The following RNPS1 variants were observed in gnomAD, a reference collection of about 807,000 sequenced individuals.
RNPS1 encodes RNA-binding protein with serine-rich domain 1.
For missense variants in RNPS1, 300 were observed against 427.6 expected (o/e 0.70, Z 2.63); for synonymous variants, 147 against 150.0 (o/e 0.98, Z 0.15).
At chr16:2,259,459 T>C (rs995658120) in intron 6 of RNPS1, among the ~76,000 whole-genome samples, 1 of 152,248 alleles carries the variant, frequency 6.6e-6, no homozygotes. Context: ...AAACAATTGT[T>C]GTCTTGTTTT....
At chr16:2,254,894 A>G (rs1051177668) in intron 7 of RNPS1, among the ~76,000 whole-genome samples, 1 of 150,554 alleles carries the variant, frequency 6.6e-6, no homozygotes, top group African/African-American at 2.5e-5. Flanking sequence ...GGCACCCACC[A>G]CCACGCCCGG....
rs2141581709 is a variant in RNPS1 at position 2,264,074 on chromosome 16, G to A, written c.227+102C>T. 2.2e-6 allele frequency: 3 copies of A among 1,370,748 alleles called. No individual in the cohort carries two copies. In the East Asian group the frequency reaches 6.9e-5, roughly 31 times the overall value. 84.9% of individuals were successfully genotyped at this position (1,370,748 alleles called of 1,614,324 possible). A position where few individuals can be genotyped will look rare whatever the true frequency, so the allele number is the denominator to read the frequency against. On this transcript the variant is annotated intron_variant, in intron 3 of 7. Coordinates refer to ENST00000320225, the MANE Select transcript of RNPS1 (RefSeq NM_080594.4). The stretch of plus-strand genomic sequence containing the variant: ...GGGTCTCTACTAACAATCAGAGGAT[G>A]TGTTTTCTTTGTAAATAATCAAGAA...
intron 6 of RNPS1, among the ~76,000 whole-genome samples, chr16:2,258,974 T>G (rs1166867377): frequency 2.6e-5 from 4 of 151,612 alleles, no homozygotes; most frequent in African/African-American, 4.9e-5. Flanking sequence ...AATACAAAAA[T>G]TAGCTGGATA....
chr16:2,264,804 A>G (rs983972610), intron 1 of RNPS1, 44 bp from the exon 2 acceptor site: 13 of 1,427,904 alleles, frequency 9.1e-6, no homozygotes, highest in Non-Finnish European at 1.2e-5. Context: ...CGAATTGGCA[A>G]GGCAACAAGT....
At chr16:2,264,409 G>A in intron 2 of RNPS1, 78 bp from the exon 3 acceptor site, 2 of 1,598,262 alleles carry the variant, frequency 1.3e-6, no homozygotes. Context: ...CGGGGGATCA[G>A]CATCAGCAGG....
At position 2,253,299 on chromosome 16, in the gene RNPS1, A is replaced by AT. The variant is rs1457908801; in HGVS notation, c.*664dup. 2 of 152,814 alleles carry AT rather than the reference A, an allele frequency of 1.3e-5. No homozygotes were observed. Among genetic ancestry groups the AT allele is most frequent in the African/African-American group, 4.8e-5 (2 of 41,466 alleles). The allele number at this position is 152,814 out of a possible 1,614,324, so 9.5% of individuals were successfully genotyped here. On this transcript the variant is annotated 3_prime_UTR_variant, in exon 8 of 8. Coordinates refer to ENST00000320225, the MANE Select transcript of RNPS1 (RefSeq NM_080594.4). ...TAAAAGCAATGTACATGTTGCCAAG[A>AT]TAACCTGAAAGACCACCATGAACGG... is the stretch of plus-strand genomic sequence containing the variant.
chr16:2,259,070 C>T (rs2093591060), intron 6 of RNPS1, among the ~76,000 whole-genome samples: 2 of 149,166 alleles, frequency 1.3e-5, no homozygotes, highest in African/African-American at 2.5e-5. Context: ...TTGCAGTGAG[C>T]CAAGATTGCA....
At position 2,255,579 on chromosome 16, in the gene RNPS1, G is replaced by A. The variant is rs763059797; in HGVS notation, c.818+6C>T. On this transcript the variant is annotated splice_donor_region_variant and intron_variant, in intron 7 of 7. Transcript: ENST00000320225. Reference sequence around the variant, plus strand: ...GATCAGTCCACTGAAACTACAAATTGTTTACCTTCTCCTCATCCGTGGGGG... The same window carrying A: ...GATCAGTCCACTGAAACTACAAATTATTTACCTTCTCCTCATCCGTGGGGG... The A allele has an allele frequency of 2.6e-6, 4 of 1,566,700 alleles. No homozygotes were observed. Among genetic ancestry groups the A allele is most frequent in the East Asian group, 2.2e-5 (1 of 44,712 alleles).
intron 3 of RNPS1, chr16:2,263,920 A>C: frequency 3.1e-6 from 1 of 320,898 alleles, no homozygotes; most frequent in Non-Finnish European, 5.5e-6. Flanking sequence ...TGTAGAGACG[A>C]GCTCTTGTTT....
intron 1 of RNPS1, chr16:2,265,784 T>G (rs1301711910): frequency 6.6e-6 from 1 of 152,204 alleles, no homozygotes. Flanking sequence ...GACCCGGCCC[T>G]TAAGTGGTCT....
intron 6 of RNPS1, chr16:2,258,794 G>A (rs758805763): frequency 1.3e-5 from 2 of 151,314 alleles, no homozygotes; most frequent in East Asian, 2.0e-4. Flanking sequence ...AAGTTAAAGG[G>A]GTATCATCTA....
At position 2,268,123 on chromosome 16, in the gene RNPS1, A is replaced by G; in HGVS notation, c.-186T>C. 6.5e-7 allele frequency: 1 copy of G among 1,533,230 alleles called. No homozygotes were observed. The highest frequency in any genetic ancestry group is 8.7e-7 in the Non-Finnish European group (1 of 1,145,192). The allele number at this position is 1,533,230 out of a possible 1,614,324, so 95.0% of individuals were successfully genotyped here. On this transcript the variant is annotated 5_prime_UTR_variant, in exon 1 of 8. Transcript: ENST00000320225. ...GAGGCCGGCGCCGCTCTGACGTCAG[A>G]GTCAAGGAGCGGGAAGTCGCCGCCG...
intron 1 of RNPS1, chr16:2,266,353 G>C: frequency 1.0e-6 from 1 of 985,422 alleles, no homozygotes; most frequent in Non-Finnish European, 1.2e-6. Flanking sequence ...ACACCCAGCA[G>C]ATAGTGCCTC....
At chr16:2,257,083 C>A (rs773043791) in intron 6 of RNPS1, 1 of 152,134 alleles carries the variant, frequency 6.6e-6, no homozygotes, top group East Asian at 1.9e-4. Context: ...GTAGATGGCA[C>A]TGAAACACAC....
chr16:2,254,653 G>C (rs145866184), intron 7 of RNPS1, among the ~76,000 whole-genome samples: 1 of 151,356 alleles, frequency 6.6e-6, no homozygotes, highest in Non-Finnish European at 1.5e-5. Context: ...GGATGGTCTC[G>C]ACCTCCTGAC....
Position 2,253,676 on chromosome 16 carries a change from G to A in RNPS1, c.*288C>T, listed in dbSNP as rs2093562013. On this transcript the variant is annotated 3_prime_UTR_variant, in exon 8 of 8. Coordinates refer to ENST00000320225, the MANE Select transcript of RNPS1 (RefSeq NM_080594.4). ...GTAAGCAGGGTCAAACCACCCCCAA[G>A]AGCCTCACTTTTCCCTGGTGGCTCT... 2 of 551,370 alleles carry A rather than the reference G, an allele frequency of 3.6e-6. No homozygotes were observed. The highest frequency in any genetic ancestry group is 6.5e-6 in the Non-Finnish European group (2 of 307,060). 34.2% of individuals were successfully genotyped at this position (551,370 alleles called of 1,614,324 possible).
intron 1 of RNPS1, 172 bp downstream of exon 1, chr16:2,267,883 C>A (rs2093631893): frequency 4.6e-6 from 7 of 1,518,122 alleles, no homozygotes; most frequent in African/African-American, 1.4e-5. Context: ...GCCTCGACAC[C>A]TCCCACTCCG....
At chr16:2,255,945 G>T in intron 6 of RNPS1, 1 of 543,462 alleles carries the variant, frequency 1.8e-6, no homozygotes, top group Non-Finnish European at 3.3e-6. Flanking sequence ...GGCTAACATG[G>T]TGAAAATGTC....
chr16:2,260,438 C>T (rs889484484), intron 6 of RNPS1, among the ~76,000 whole-genome samples: 3 of 152,058 alleles, frequency 2.0e-5, no homozygotes, highest in Non-Finnish European at 4.4e-5. Context: ...TAATTTATAG[C>T]AATATAGTTA....
Sources: gnomAD v4.1 joint callset for allele counts (sites outside exome capture counted in the v4.1 genomes callset) on GRCh38, gnomAD v4.1.1 for gene constraint, MANE v1.5 for transcripts, NCBI Gene and HGNC (gene_info 2026-07-23, HGNC 2026-07-21) for gene names.